Variants in FGF14 observed in about 807,000 individuals in gnomAD.
FGF14 encodes fibroblast growth factor homologous factor 4.
A neutral mutation model predicts 25.5 loss-of-function variants in FGF14; 5 were observed. That is an observed-to-expected ratio of 0.20 (90% CI 0.10 to 0.41). The LOEUF (loss-of-function observed/expected upper bound fraction) is 0.41. FGF14 is among the 10% of genes least tolerant of loss of function. The probability of loss-of-function intolerance (pLI) is 1.00; values close to 1 mark genes in which losing one functional copy is unlikely to be tolerated. For missense variants in FGF14, 222 were observed against 320.1 expected, an observed-to-expected ratio of 0.69 and a Z score of 2.34; for synonymous variants, 138 against 118.3, an observed-to-expected ratio of 1.17 and a Z score of -1.08.
intron 3 of FGF14, among the ~76,000 whole-genome samples, chr13:101,740,620 T>C (rs1023298031): frequency 1.3e-5 from 2 of 152,138 alleles, no homozygotes; most frequent in African/African-American, 2.4e-5. Flanking sequence ...TCCATGTTCA[T>C]TGGTGCTTCT....
rs1399247793 is a variant in FGF14 at position 102,070,953 on chromosome 13, CAAA to C, written c.209-195660_209-195658del. Among the ~76,000 whole-genome samples the C allele has an allele frequency of 5.1e-5, 5 of 98,322 alleles. No homozygotes were observed. The East Asian group carries it at 1.8e-3, about 34-fold the overall frequency. The allele number at this position is 98,322 out of a possible 152,430, so 64.5% of individuals were successfully genotyped here. On this transcript the variant is annotated intron_variant, in intron 1 of 4. Transcript: ENST00000376131. ...TTGTTTGCTAGAAAACAAAACAAAACAAAACACACACACACACACACACACACA... is the reference window on the plus strand; with the variant it reads ...TTGTTTGCTAGAAAACAAAACAAAACACACACACACACACACACACACACA...
intron 3 of FGF14, among the ~76,000 whole-genome samples, chr13:101,830,493 T>A (rs2042615789): frequency 6.6e-6 from 1 of 152,056 alleles, no homozygotes; most frequent in African/African-American, 2.4e-5. Context: ...TTACCGGTTG[T>A]ACATGGGCTG....
intron 1 of FGF14, among the ~76,000 whole-genome samples, chr13:102,311,150 C>A (rs1186788094): frequency 3.3e-5 from 5 of 152,060 alleles, no homozygotes; most frequent in Non-Finnish European, 7.4e-5. Context: ...CAGCATGGTC[C>A]AAGGGAAGAG....
chr13:101,921,746 CCTTCA>C (rs1198794906), upstream of FGF14, among the ~76,000 whole-genome samples: 5 of 152,312 alleles, frequency 3.3e-5, no homozygotes, highest in East Asian at 9.7e-4. Context: ...TATTCATCTC[CCTTCA>C]CTTACCACTT....
At chr13:102,086,509 G>A (rs754242362) in intron 1 of FGF14, among the ~76,000 whole-genome samples, 34 of 152,090 alleles carry the variant, frequency 2.2e-4, no homozygotes, top group Non-Finnish European at 4.0e-4. Flanking sequence ...CATCCTGGGC[G>A]ACAGAGAGAG....
At chr13:102,319,698 C>G (rs537565667) in intron 1 of FGF14, among the ~76,000 whole-genome samples, 1 of 152,348 alleles carries the variant, frequency 6.6e-6, no homozygotes, top group African/African-American at 2.4e-5. Context: ...TGACCGGTTG[C>G]TTGTGTTCTT....
At chr13:102,025,213 T>C (rs2040864274) in intron 1 of FGF14, among the ~76,000 whole-genome samples, 2 of 151,842 alleles carry the variant, frequency 1.3e-5, no homozygotes, top group Non-Finnish European at 2.9e-5. Flanking sequence ...GTTGTCAAAC[T>C]CTAAAAATAA....
intron 1 of FGF14, among the ~76,000 whole-genome samples, chr13:102,350,704 C>T (rs1448386883): frequency 6.6e-6 from 1 of 152,212 alleles, no homozygotes; most frequent in Non-Finnish European, 1.5e-5. Context: ...TACTTCTTGA[C>T]AACTGTCCAC....
chr13:101,889,147 T>G (rs955515996), intron 1 of FGF14, among the ~76,000 whole-genome samples: 1 of 152,146 alleles, frequency 6.6e-6, no homozygotes, highest in African/African-American at 2.4e-5. Flanking sequence ...CTTTCAGAAC[T>G]GTGAGAAACA....
intron 1 of FGF14, among the ~76,000 whole-genome samples, chr13:102,133,643 A>G (rs890239915): frequency 8.5e-5 from 13 of 152,224 alleles, no homozygotes; most frequent in Admixed American, 2.0e-4. Flanking sequence ...TTTTTAAAAC[A>G]GTCCCAACAT....
intron 3 of FGF14, among the ~76,000 whole-genome samples, chr13:101,728,503 A>T (rs373996317): frequency 1.3e-5 from 2 of 152,168 alleles, no homozygotes; most frequent in East Asian, 1.9e-4. Flanking sequence ...GAAAAAAAAG[A>T]TTGATAAAAC....
At chr13:102,263,820 A>G (rs1325181991) in intron 1 of FGF14, among the ~76,000 whole-genome samples, 1 of 152,176 alleles carries the variant, frequency 6.6e-6, no homozygotes, top group Non-Finnish European at 1.5e-5. Flanking sequence ...ACTCTCTGGT[A>G]TATGGCTCTG....
chr13:101,973,797 C>A (rs572577812), intron 1 of FGF14, among the ~76,000 whole-genome samples: 7 of 152,286 alleles, frequency 4.6e-5, no homozygotes, highest in East Asian at 3.9e-4. Context: ...TTTGGCAACA[C>A]CCTCACAGAC....
At chr13:101,740,015 T>C (rs1243359169) in intron 3 of FGF14, among the ~76,000 whole-genome samples, 4 of 152,220 alleles carry the variant, frequency 2.6e-5, no homozygotes, top group Non-Finnish European at 5.9e-5. Flanking sequence ...CTCCCTGCTC[T>C]GTTCTGTTTC....
chr13:102,380,038 T>C (rs2058143993), intron 1 of FGF14, among the ~76,000 whole-genome samples: 1 of 152,154 alleles, frequency 6.6e-6, no homozygotes, highest in African/African-American at 2.4e-5. Flanking sequence ...TTTAACACTC[T>C]GGTTTAAGCA....
intron 3 of FGF14, among the ~76,000 whole-genome samples, chr13:101,835,153 A>G (rs929598814): frequency 6.6e-6 from 1 of 152,066 alleles, no homozygotes; most frequent in Non-Finnish European, 1.5e-5. Flanking sequence ...AGATTGATAC[A>G]TTGGAGTTGG....
At chr13:101,911,900 T>C (rs1303566190) in intron 1 of FGF14, among the ~76,000 whole-genome samples, 1 of 151,976 alleles carries the variant, frequency 6.6e-6, no homozygotes, top group East Asian at 1.9e-4. Context: ...TGAAGAAAAA[T>C]GTTCCCTTGT....
chr13:101,780,938 A>G (rs1384552970), intron 3 of FGF14, among the ~76,000 whole-genome samples: 1 of 152,100 alleles, frequency 6.6e-6, no homozygotes, highest in African/African-American at 2.4e-5. Flanking sequence ...ATGCACCTGC[A>G]TGGCCTTCCC....
intron 1 of FGF14, among the ~76,000 whole-genome samples, chr13:102,240,550 A>C (rs1260849586): frequency 6.6e-6 from 1 of 152,122 alleles, no homozygotes; most frequent in Admixed American, 6.6e-5. Flanking sequence ...TTCATAGAAA[A>C]ACACCCTTTC....
Sources: allele counts gnomAD v4.1 joint callset (sites outside exome capture counted in the v4.1 genomes callset), GRCh38; gene constraint gnomAD v4.1.1; transcripts MANE v1.5; gene names NCBI Gene and HGNC (gene_info 2026-07-23, HGNC 2026-07-21).